The following RIMS2 variants were observed in gnomAD, a reference collection of about 807,000 sequenced individuals.
RIMS2 encodes regulating synaptic membrane exocytosis 2.
In RIMS2, 59 loss-of-function variants were observed where a neutral mutation model predicts 174.4. The observed-to-expected ratio is 0.34, with a 90% confidence interval of 0.27 to 0.42. The LOEUF (loss-of-function observed/expected upper bound fraction) is 0.42, where lower values mean the gene tolerates loss of function less well. Among genes scored for constraint, RIMS2 ranks in the 10% least tolerant of loss-of-function variants. The pLI, the probability that RIMS2 is intolerant of heterozygous loss-of-function variation, is 1.00. For synonymous variants in RIMS2, 606 were observed against 572.5 expected, an observed-to-expected ratio of 1.06 and a Z score of -0.84; for missense variants, 1,620 against 1,666.3, an observed-to-expected ratio of 0.97 and a Z score of 0.48.
chr8:103,774,502 A>G (rs796598355), intron 3 of RIMS2, among the ~76,000 whole-genome samples: 6 of 152,338 alleles, frequency 3.9e-5, no homozygotes, highest in African/African-American at 1.2e-4. Context: ...TTACTTATCA[A>G]TGAAGTGAGG....
intron 19 of RIMS2, among the ~76,000 whole-genome samples, chr8:104,204,060 A>C (rs1032004471): frequency 1.3e-5 from 2 of 152,204 alleles, no homozygotes. Context: ...TCTGCCCGCC[A>C]TTCCACCCAC....
At chr8:103,703,363 G>C (rs991693232) in intron 2 of RIMS2, among the ~76,000 whole-genome samples, 1 of 152,064 alleles carries the variant, frequency 6.6e-6, no homozygotes, top group African/African-American at 2.4e-5. Context: ...TCAGCCTTCT[G>C]AGTAGCTGGG....
chr8:104,015,185 A>G (rs906014585), intron 19 of RIMS2, among the ~76,000 whole-genome samples: 19 of 152,200 alleles, frequency 1.2e-4, no homozygotes, highest in African/African-American at 4.6e-4. Context: ...AAGGACCTCT[A>G]AAAGCATGGA....
chr8:104,153,237 G>T (rs983779183), intron 19 of RIMS2, among the ~76,000 whole-genome samples: 22 of 152,088 alleles, frequency 1.4e-4, no homozygotes, highest in Middle Eastern at 3.4e-3. Flanking sequence ...GACTTGATAG[G>T]CATCATAACC....
At chr8:103,978,202 AG>A (rs1466574180) in intron 16 of RIMS2, among the ~76,000 whole-genome samples, 7 of 152,234 alleles carry the variant, frequency 4.6e-5, no homozygotes, top group Non-Finnish European at 7.3e-5. Flanking sequence ...TACTTTTATC[AG>A]GGAAAGAACA....
intron 1 of RIMS2, among the ~76,000 whole-genome samples, chr8:103,606,978 A>G (rs935141762): frequency 1.1e-4 from 17 of 151,990 alleles, no homozygotes; most frequent in Admixed American, 9.8e-4. Flanking sequence ...GTGTCTTTTA[A>G]TTGGAGCATT....
intron 1 of RIMS2, among the ~76,000 whole-genome samples, chr8:103,554,873 C>G (rs921924450): frequency 6.6e-6 from 1 of 152,102 alleles, no homozygotes; most frequent in Non-Finnish European, 1.5e-5. Flanking sequence ...AGATCATGTC[C>G]TTTGCAGCAA....
intron 3 of RIMS2, among the ~76,000 whole-genome samples, chr8:103,787,760 C>G (rs1301976733): frequency 6.6e-6 from 1 of 152,146 alleles, no homozygotes; most frequent in Admixed American, 6.5e-5. Flanking sequence ...TGGAGTTGCT[C>G]TTCTCAAGGA....
At chr8:104,147,326 G>A (rs2098649419) in intron 19 of RIMS2, among the ~76,000 whole-genome samples, 1 of 151,900 alleles carries the variant, frequency 6.6e-6, no homozygotes, top group African/African-American at 2.4e-5. Flanking sequence ...ACAAATGTGA[G>A]GGATATAATA....
rs548523865 is a variant in RIMS2, at chr8:103,947,626, A to AC, written c.2701+4701dup. Reference sequence around the variant, plus strand: ...GGTATAAAAGATTAAAAAATGATATACGTGAATAGGGTACTTATCATGAGT... The same window carrying AC: ...GGTATAAAAGATTAAAAAATGATATACCGTGAATAGGGTACTTATCATGAGT... On this transcript the variant is annotated intron_variant, in intron 14 of 23. Coordinates refer to ENST00000504942, the Ensembl canonical transcript of RIMS2. Among the ~76,000 whole-genome samples, 386 of 152,316 alleles carry AC rather than the reference A, an allele frequency of 2.5e-3. 3 individuals are homozygous for AC. Among genetic ancestry groups the AC allele is most frequent in the South Asian group, 0.013 (62 of 4,830 alleles).
chr8:103,812,491 C>A (rs1406746223), intron 3 of RIMS2, among the ~76,000 whole-genome samples: 3 of 152,118 alleles, frequency 2.0e-5, no homozygotes, highest in Non-Finnish European at 4.4e-5. Context: ...AAGCGATTCT[C>A]CTGCCTCAGC....
chr8:103,802,254 T>A (rs1466789975), intron 3 of RIMS2, among the ~76,000 whole-genome samples: 1 of 152,192 alleles, frequency 6.6e-6, no homozygotes, highest in Non-Finnish European at 1.5e-5. Context: ...TTTAATAAAT[T>A]GTAAGGCGTT....
rs963916502 is a variant in RIMS2, at chr8:103,800,881, A to G, written c.698+34344A>G. Among the ~76,000 whole-genome samples, 5 of 152,152 alleles carry G rather than the reference A, an allele frequency of 3.3e-5. No homozygotes were observed. In the East Asian group the frequency reaches 9.6e-4, roughly 29 times the overall value. ...TCTTCTATCTTCAATTTTCTAGAAT[A>G]GTTTTTATAGAGCTGTTATTTCTTT... is the stretch of plus-strand genomic sequence containing the variant. On this transcript the variant is annotated intron_variant, in intron 3 of 23. Transcript: ENST00000504942.
At chr8:104,016,644 C>A (rs961136458) in intron 19 of RIMS2, among the ~76,000 whole-genome samples, 2 of 151,962 alleles carry the variant, frequency 1.3e-5, no homozygotes, top group African/African-American at 4.8e-5. Flanking sequence ...ATTTATGGAA[C>A]TTTTTGTCTC....
chr8:103,893,413 C>T (rs1351372412), intron 4 of RIMS2, among the ~76,000 whole-genome samples: 2 of 152,046 alleles, frequency 1.3e-5, no homozygotes, highest in African/African-American at 4.8e-5. Flanking sequence ...AACAACTTGA[C>T]TTCTTATTTA....
intron 19 of RIMS2, among the ~76,000 whole-genome samples, chr8:104,084,191 A>G (rs544862282): frequency 6.6e-6 from 1 of 152,140 alleles, no homozygotes; most frequent in Non-Finnish European, 1.5e-5. Flanking sequence ...CTGTAATCCC[A>G]GCAATTTGGG....
chr8:103,541,518 G>A (rs1842580987), intron 1 of RIMS2, among the ~76,000 whole-genome samples: 1 of 152,132 alleles, frequency 6.6e-6, no homozygotes, highest in Non-Finnish European at 1.5e-5. Context: ...AAAAAGAAAT[G>A]CTAAGGAGAG....
At chr8:104,251,046 A>G (rs762043258) in exon 23 of RIMS2, 6 of 1,613,444 alleles carry the variant, frequency 3.7e-6, no homozygotes, top group East Asian at 2.2e-5. Flanking sequence ...AAGTGTATCT[A>G]TTAGATAACG....
intron 17 of RIMS2, among the ~76,000 whole-genome samples, chr8:103,997,938 T>A (rs961768428): frequency 6.6e-6 from 1 of 151,626 alleles, no homozygotes; most frequent in Non-Finnish European, 1.5e-5. Context: ...CTAAAGATGT[T>A]TGAGTAATAA....
Sources: allele counts gnomAD v4.1 joint callset (sites outside exome capture counted in the v4.1 genomes callset), GRCh38; gene constraint gnomAD v4.1.1; transcripts MANE v1.5; gene names NCBI Gene and HGNC (gene_info 2026-07-23, HGNC 2026-07-21).